TCF12: variants seen among roughly 807,000 people sequenced by gnomAD.
The protein encoded by TCF12 is DNA-binding protein HTF4.
Under a neutral mutation model 86.0 loss-of-function variants are expected in TCF12, and 45 were observed. The observed-to-expected ratio is 0.52, with a 90% CI of 0.41 to 0.67. The LOEUF is 0.67. TCF12 is among the 30% of genes least tolerant of loss of function. The probability of loss-of-function intolerance (pLI) is 0.00; values close to 1 mark genes in which losing one functional copy is unlikely to be tolerated. For missense variants in TCF12, 881 were observed against 859.9 expected, an observed-to-expected ratio of 1.02 and a Z score of -0.31; for synonymous variants, 330 against 299.6, an observed-to-expected ratio of 1.10 and a Z score of -1.05.
rs2062027989 is a variant in TCF12 at position 57,289,261 on chromosome 15, A to G, written c.*3116A>G. On this transcript the variant is annotated 3_prime_UTR_variant, in exon 21 of 21. Coordinates refer to ENST00000333725, the MANE Select transcript of TCF12 (RefSeq NM_207037.2). The stretch of plus-strand genomic sequence containing the variant: ...GAAAACTATTAAACTTGTTAAGTTG[A>G]TTTTATACAAAACGATAAATAAAAA... The G allele has an allele frequency of 6.6e-6, 1 of 152,218 alleles. No individual in the cohort carries two copies. Among genetic ancestry groups the G allele is most frequent in the Non-Finnish European group, 1.5e-5 (1 of 68,024 alleles). The allele number at this position is 152,218 out of a possible 1,614,324, so 9.4% of individuals were successfully genotyped here.
At chr15:56,942,482 T>C (rs2060821774) in intron 3 of TCF12, among the ~76,000 whole-genome samples, 1 of 152,230 alleles carries the variant, frequency 6.6e-6, no homozygotes, top group Non-Finnish European at 1.5e-5. Context: ...TTTTCTGGTA[T>C]CAAATGCTTC....
chr15:56,979,742 G>A (rs1192781128), intron 3 of TCF12, among the ~76,000 whole-genome samples: 1 of 152,124 alleles, frequency 6.6e-6, no homozygotes, highest in Non-Finnish European at 1.5e-5. Context: ...GTCACTTGAT[G>A]GTCAAGGAGA....
At chr15:57,159,317 G>A (rs1263613016) in intron 5 of TCF12, among the ~76,000 whole-genome samples, 2 of 152,194 alleles carry the variant, frequency 1.3e-5, no homozygotes, top group Admixed American at 6.5e-5. Flanking sequence ...GGCATTGCAG[G>A]TTTGCCCACT....
At chr15:57,103,256 T>C (rs1372762413) in intron 5 of TCF12, among the ~76,000 whole-genome samples, 2 of 152,228 alleles carry the variant, frequency 1.3e-5, no homozygotes, top group African/African-American at 4.8e-5. Context: ...ATGTAAATTG[T>C]GGATTTTGAT....
chr15:57,182,208 T>G (rs2056397404), intron 6 of TCF12, among the ~76,000 whole-genome samples: 1 of 152,052 alleles, frequency 6.6e-6, no homozygotes, highest in East Asian at 1.9e-4. Context: ...AAATCAATAA[T>G]ATGAGCTGAT....
At chr15:56,943,716 C>G (rs1347096632) in intron 3 of TCF12, among the ~76,000 whole-genome samples, 1 of 152,124 alleles carries the variant, frequency 6.6e-6, no homozygotes, top group Admixed American at 6.6e-5. Context: ...GTTTAATATC[C>G]TGTTACCAAA....
chr15:57,067,471 C>T (rs1190274718), intron 4 of TCF12, among the ~76,000 whole-genome samples: 12 of 22,386 alleles, frequency 5.4e-4, no homozygotes, highest in South Asian at 5.2e-3. Flanking sequence ...ACCCGGGAGG[C>T]GGAACTCGCA....
At chr15:57,119,486 CTAGA>C (rs1486963297) in intron 5 of TCF12, among the ~76,000 whole-genome samples, 1 of 146,162 alleles carries the variant, frequency 6.8e-6, no homozygotes, top group Non-Finnish European at 1.5e-5. Context: ...CTTCTTCATA[CTAGA>C]TACGATACTG....
chr15:57,131,329 A>G lies in TCF12; in HGVS notation c.326-35073A>G, dbSNP rs111619887. On this transcript the variant is annotated intron_variant, in intron 5 of 20. Coordinates refer to ENST00000333725, the MANE Select transcript of TCF12 (RefSeq NM_207037.2). Reference sequence around the variant, plus strand: ...CATTATTTTGAGCTTTAACCGAGCTATTGCATGGAAAGCTCAACCTATGTG... The same window carrying G: ...CATTATTTTGAGCTTTAACCGAGCTGTTGCATGGAAAGCTCAACCTATGTG... 2.1e-4 allele frequency among the ~76,000 whole-genome samples: 32 copies of G among 152,274 alleles called. 1 individual carries two copies. The highest frequency in any genetic ancestry group is 6.8e-3 in the Middle Eastern group (2 of 294).
intron 3 of TCF12, among the ~76,000 whole-genome samples, chr15:56,991,055 C>T (rs943745874): frequency 6.6e-6 from 1 of 152,062 alleles, no homozygotes; most frequent in African/African-American, 2.4e-5. Context: ...CTCAGCCTCC[C>T]AAAGTGCTGA....
intron 6 of TCF12, among the ~76,000 whole-genome samples, chr15:57,170,728 A>AGC (rs2055363181): frequency 2.2e-3 from 4 of 1,828 alleles, no homozygotes; most frequent in Non-Finnish European, 3.3e-3. Flanking sequence ...TATATTATAT[A>AGC]TTATATATAA....
chr15:57,201,388 G>C (rs2057535305), intron 8 of TCF12, among the ~76,000 whole-genome samples: 1 of 152,152 alleles, frequency 6.6e-6, no homozygotes, highest in African/African-American at 2.4e-5. Flanking sequence ...CATTTAAGTT[G>C]TGTCTGGAAA....
chr15:57,271,906 C>T (rs770452456), intron 18 of TCF12, among the ~76,000 whole-genome samples: 2 of 152,150 alleles, frequency 1.3e-5, no homozygotes, highest in African/African-American at 4.8e-5. Context: ...TTAACAGCCA[C>T]CTTATTCATA....
At chr15:57,242,650 A>G (rs2059686159) in intron 12 of TCF12, among the ~76,000 whole-genome samples, 1 of 152,230 alleles carries the variant, frequency 6.6e-6, no homozygotes, top group Admixed American at 6.5e-5. Context: ...CCTGGGTGAC[A>G]GAGTGAGACT....
At chr15:57,009,341 G>C (rs1473372181) in intron 3 of TCF12, among the ~76,000 whole-genome samples, 2 of 152,048 alleles carry the variant, frequency 1.3e-5, no homozygotes, top group African/African-American at 4.8e-5. Context: ...ACACTCCTGG[G>C]CTCAAGCAGT....
intron 4 of TCF12, among the ~76,000 whole-genome samples, chr15:57,079,907 T>C (rs2070477853): frequency 6.6e-6 from 1 of 152,182 alleles, no homozygotes; most frequent in Admixed American, 6.5e-5. Flanking sequence ...AACATATTAA[T>C]AGGAAGACTC....
chr15:57,244,528 C>G (rs549073084), intron 13 of TCF12, among the ~76,000 whole-genome samples: 1 of 152,058 alleles, frequency 6.6e-6, no homozygotes, highest in Admixed American at 6.6e-5. Context: ...GGCATAATCT[C>G]GGCTTACTGC....
chr15:56,976,691 G>A (rs1267422457), intron 3 of TCF12, among the ~76,000 whole-genome samples: 6 of 151,998 alleles, frequency 3.9e-5, no homozygotes, highest in African/African-American at 1.5e-4. Context: ...ACAGTACCAC[G>A]TGTGAAGTGG....
At chr15:57,129,334 G>C (rs1009525705) in intron 5 of TCF12, among the ~76,000 whole-genome samples, 5 of 152,190 alleles carry the variant, frequency 3.3e-5, no homozygotes, top group African/African-American at 1.2e-4. Context: ...GCTGAGGCAG[G>C]CAGATGGCTT....
Sources: allele counts gnomAD v4.1 joint callset (sites outside exome capture counted in the v4.1 genomes callset), GRCh38; gene constraint gnomAD v4.1.1; transcripts MANE v1.5; gene names NCBI Gene and HGNC (gene_info 2026-07-23, HGNC 2026-07-21).